The following ANO3 variants were observed in gnomAD, a reference collection of about 807,000 sequenced individuals.
The protein encoded by ANO3 is anoctamin-3.
In ANO3, 99 loss-of-function variants were observed where a neutral mutation model predicts 144.8. The observed-to-expected ratio is 0.68, with a 90% CI of 0.58 to 0.81. The LOEUF (loss-of-function observed/expected upper bound fraction) is 0.81, where lower values mean the gene tolerates loss of function less well. Among genes scored for constraint, ANO3 ranks in the 30% least tolerant of loss-of-function variants. ANO3 has a pLI of 0.00. For synonymous variants in ANO3, 414 were observed against 392.6 expected (o/e 1.05, Z -0.64); for missense variants, 905 against 1,202.2 (o/e 0.75, Z 3.66).
intron 20 of ANO3, among the ~76,000 whole-genome samples, chr11:26,635,381 A>G (rs937957739): frequency 1.3e-5 from 2 of 152,048 alleles, no homozygotes; most frequent in Non-Finnish European, 2.9e-5. Flanking sequence ...AAATTTTCAA[A>G]CTTTTAAATA....
At chr11:26,332,415 C>T in intron 1 of ANO3, 94 bp downstream of exon 1, 1 of 1,204,374 alleles carries the variant, frequency 8.3e-7, no homozygotes, top group Middle Eastern at 2.0e-4. Context: ...CAGGCTTATG[C>T]GACACAGAGG....
intron 12 of ANO3, 35 bp from the exon 13 acceptor site, chr11:26,553,214 G>GTTTTTT: frequency 2.5e-6 from 3 of 1,208,700 alleles, no homozygotes; most frequent in Non-Finnish European, 3.5e-6. Context: ...TTCATGCTAT[G>GTTTTTT]TTTTGTTTTG....
intron 1 of ANO3, among the ~76,000 whole-genome samples, chr11:26,433,140 A>C (rs1466436888): frequency 1.5e-4 from 23 of 151,872 alleles, no homozygotes; most frequent in Admixed American, 1.5e-3. Flanking sequence ...ATTCCTAGGT[A>C]TTTTTTGTGT....
At chr11:26,440,517 T>C (rs1345171934) in intron 1 of ANO3, among the ~76,000 whole-genome samples, 1 of 152,070 alleles carries the variant, frequency 6.6e-6, no homozygotes, top group Non-Finnish European at 1.5e-5. Flanking sequence ...AGAAGAATAG[T>C]TTAATGACAG....
intron 14 of ANO3, among the ~76,000 whole-genome samples, chr11:26,561,392 G>A (rs368678966): frequency 4.6e-5 from 7 of 151,894 alleles, no homozygotes; most frequent in East Asian, 3.9e-4. Context: ...TGTTTTTCAA[G>A]CTTCATTTTT....
At chr11:26,236,791 C>T (rs1390759330) in intron 1 of ANO3, among the ~76,000 whole-genome samples, 7 of 133,612 alleles carry the variant, frequency 5.2e-5, no homozygotes, top group Non-Finnish European at 9.2e-5. Context: ...GCACTCCAGC[C>T]TGGGCGACAG....
At chr11:26,223,406 G>A (rs903334968) in intron 1 of ANO3, among the ~76,000 whole-genome samples, 1 of 151,906 alleles carries the variant, frequency 6.6e-6, no homozygotes, top group South Asian at 2.1e-4. Flanking sequence ...CAGCATTTTG[G>A]TCACAACCAC....
At chr11:26,441,106 G>GTTTTTTTTTTTTTTTT (rs1022676698) in intron 1 of ANO3, among the ~76,000 whole-genome samples, 1 of 86,552 alleles carries the variant, frequency 1.2e-5, no homozygotes, top group East Asian at 3.8e-4. Flanking sequence ...TTGCTGCCCA[G>GTTTTTTTTTTTTTTTT]TTTTTTTTTT....
At chr11:26,307,107 G>C (rs539722970), upstream of ANO3, among the ~76,000 whole-genome samples, 1 of 152,272 alleles carries the variant, frequency 6.6e-6, no homozygotes, top group East Asian at 1.9e-4. Flanking sequence ...TGTAATCCCA[G>C]CACTTTGGGA....
At chr11:26,428,395 G>A (rs1010030659) in intron 1 of ANO3, among the ~76,000 whole-genome samples, 4 of 152,062 alleles carry the variant, frequency 2.6e-5, no homozygotes, top group Admixed American at 6.5e-5. Flanking sequence ...AATCCTCTAA[G>A]CTTCTGACAA....
chr11:26,347,140 T>C (rs551983670), intron 1 of ANO3, among the ~76,000 whole-genome samples: 1 of 152,346 alleles, frequency 6.6e-6, no homozygotes, highest in African/African-American at 2.4e-5. Context: ...AATAGCTGTG[T>C]CATTTTGACT....
chr11:26,207,880 A>G (rs1031065167), intron 1 of ANO3, among the ~76,000 whole-genome samples: 2 of 140,468 alleles, frequency 1.4e-5, no homozygotes, highest in Non-Finnish European at 3.2e-5. Context: ...AAATAGGAGG[A>G]TTTATATAAT....
At chr11:26,642,161 C>G (rs1203611419) in intron 22 of ANO3, 132 bp downstream of exon 22, 3 of 949,324 alleles carry the variant, frequency 3.2e-6, no homozygotes, top group Non-Finnish European at 4.6e-6. Context: ...ACGTCTGCAC[C>G]TTCATCTCAA....
At chr11:26,345,522 A>G (rs1400087060) in intron 1 of ANO3, among the ~76,000 whole-genome samples, 1 of 152,246 alleles carries the variant, frequency 6.6e-6, no homozygotes, top group Non-Finnish European at 1.5e-5. Context: ...ATTGAACTCC[A>G]GCCTGGGCAA....
chr11:26,535,933 T>C (rs1239255632), intron 9 of ANO3, among the ~76,000 whole-genome samples: 1 of 152,084 alleles, frequency 6.6e-6, no homozygotes, highest in African/African-American at 2.4e-5. Context: ...TTCTAATTAA[T>C]AATTTATTTA....
intron 1 of ANO3, among the ~76,000 whole-genome samples, chr11:26,407,068 G>GTATA (rs760132418): frequency 0.025 from 2,404 of 96,224 alleles, 46 homozygotes; most frequent in African/African-American, 0.055. Flanking sequence ...GTGTGTGTGT[G>GTATA]TGTGTGTGTA....
intron 1 of ANO3, among the ~76,000 whole-genome samples, chr11:26,222,846 C>T (rs1215548245): frequency 6.6e-6 from 1 of 152,138 alleles, no homozygotes; most frequent in Non-Finnish European, 1.5e-5. Context: ...CAGTGGGATC[C>T]TGGGCCTGGC....
At position 26,602,910 on chromosome 11, in the gene ANO3, G is replaced by A. The variant is rs117827208; in HGVS notation, c.1836+3196G>A. Among the ~76,000 whole-genome samples, 70 of 152,242 alleles carry A rather than the reference G, an allele frequency of 4.6e-4. No individual in the cohort carries two copies. In the East Asian group the frequency reaches 0.013, roughly 27 times the overall value. ...TAAGTTTGAAAACTCTCAAGAAAAT[G>A]TAAGCCTTTCTGGGGAAAAGATAAA... On this transcript the variant is annotated intron_variant, in intron 17 of 26. Coordinates refer to ENST00000256737, the MANE Select transcript of ANO3 (RefSeq NM_031418.4).
intron 15 of ANO3, 51 bp from the exon 16 acceptor site, chr11:26,598,807 T>A (rs779731922): frequency 1.3e-6 from 2 of 1,574,356 alleles, no homozygotes; most frequent in Middle Eastern, 1.7e-4. Context: ...TGGGGGTATG[T>A]TTTTTTAGTT....
Sources: gnomAD v4.1 joint callset for allele counts (sites outside exome capture counted in the v4.1 genomes callset) on GRCh38, gnomAD v4.1.1 for gene constraint, MANE v1.5 for transcripts, NCBI Gene and HGNC (gene_info 2026-07-23, HGNC 2026-07-21) for gene names.